S100A8: variants seen among roughly 807,000 people sequenced by gnomAD.
S100A8 encodes protein S100-A8.
Under a neutral mutation model 4.2 loss-of-function variants are expected in S100A8, and 1 was observed. That is an observed-to-expected ratio of 0.24 (90% CI 0.08 to 1.12). S100A8 has a LOEUF of 1.12. S100A8 is among the 50% of genes most tolerant of loss of function. The pLI, the probability that S100A8 is intolerant of heterozygous loss-of-function variation, is 0.53. For synonymous variants in S100A8, 41 were observed against 44.7 expected (o/e 0.92, Z 0.33); for missense variants, 96 against 111.8 (o/e 0.86, Z 0.64).
the S100A8 span, among the ~76,000 whole-genome samples, chr1:153,402,293 G>C: frequency 6.6e-6 from 1 of 152,214 alleles, no homozygotes; most frequent in Non-Finnish European, 1.5e-5. Flanking sequence ...ACAGGAGCAT[G>C]CTGGGGACAC....
At chr1:153,392,469 C>T (rs1046541957), upstream of S100A8, among the ~76,000 whole-genome samples, 2 of 152,224 alleles carry the variant, frequency 1.3e-5, no homozygotes, top group Non-Finnish European at 2.9e-5. Context: ...TATGATCCAT[C>T]ATTCTGCTCC....
chr1:153,395,943 A>C (rs1414823015), upstream of S100A8, among the ~76,000 whole-genome samples: 1 of 152,252 alleles, frequency 6.6e-6, no homozygotes, highest in Non-Finnish European at 1.5e-5. Flanking sequence ...CTTTCAGAGC[A>C]GGGATGCTGT....
chr1:153,417,787 G>A, the S100A8 span, among the ~76,000 whole-genome samples: 50 of 152,266 alleles, frequency 3.3e-4, no homozygotes, highest in Non-Finnish European at 6.3e-4. Flanking sequence ...GCTGGCCTCC[G>A]ACTCTCCCTG....
chr1:153,407,729 A>G, the S100A8 span, among the ~76,000 whole-genome samples: 1 of 152,198 alleles, frequency 6.6e-6, no homozygotes, highest in African/African-American at 2.4e-5. Flanking sequence ...GCAGGGGCCA[A>G]CTGACACCTC....
the S100A8 span, among the ~76,000 whole-genome samples, chr1:153,401,839 C>T: frequency 1.2e-4 from 18 of 152,280 alleles, no homozygotes; most frequent in South Asian, 2.1e-4. Context: ...GTACTTGAGA[C>T]GATGAATCGG....
At chr1:153,415,718 G>A in the S100A8 span, among the ~76,000 whole-genome samples, 3 of 150,376 alleles carry the variant, frequency 2.0e-5, no homozygotes, top group African/African-American at 7.5e-5. Context: ...TGGGGCGGGG[G>A]GGGCGGGGGT....
chr1:153,416,557 A>G, the S100A8 span: 3 of 485,964 alleles, frequency 6.2e-6, no homozygotes, highest in Non-Finnish European at 8.2e-6. Flanking sequence ...GACACTTCCC[A>G]GTTCTGGTAA....
upstream of S100A8, among the ~76,000 whole-genome samples, chr1:153,391,902 G>C (rs986607820): frequency 6.6e-6 from 1 of 152,212 alleles, no homozygotes; most frequent in Non-Finnish European, 1.5e-5. Flanking sequence ...TAGTGGAGGG[G>C]AAGAGTTCTT....
the S100A8 span, among the ~76,000 whole-genome samples, chr1:153,415,169 T>C: frequency 6.6e-6 from 1 of 151,502 alleles, no homozygotes; most frequent in Non-Finnish European, 1.5e-5. Flanking sequence ...TTTGTGTGTG[T>C]GTTTGTGTGT....
At chr1:153,391,766 C>T (rs1444104803), upstream of S100A8, among the ~76,000 whole-genome samples, 1 of 152,098 alleles carries the variant, frequency 6.6e-6, no homozygotes, top group African/African-American at 2.4e-5. Context: ...CTTGGGGTCC[C>T]TCGGCACTTC....
At chr1:153,400,659 A>G in the S100A8 span, among the ~76,000 whole-genome samples, 1 of 152,226 alleles carries the variant, frequency 6.6e-6, no homozygotes, top group Non-Finnish European at 1.5e-5. Flanking sequence ...TGGTTCATCA[A>G]TACACTTTCC....
chr1:153,401,185 ATC>A, the S100A8 span, among the ~76,000 whole-genome samples: 1 of 152,234 alleles, frequency 6.6e-6, no homozygotes, highest in East Asian at 1.9e-4. Flanking sequence ...CATAGCGATC[ATC>A]TGTTTGCATT....
intron 1 of S100A8, chr1:153,390,817 G>T: frequency 1.9e-6 from 1 of 521,192 alleles, no homozygotes; most frequent in Non-Finnish European, 3.1e-6. Context: ...CCCACCCTCT[G>T]CTCAAGAAAA....
upstream of S100A8, among the ~76,000 whole-genome samples, chr1:153,394,627 C>T (rs1034646081): frequency 1.3e-5 from 2 of 152,178 alleles, no homozygotes; most frequent in Non-Finnish European, 2.9e-5. Context: ...GTGCAGACAT[C>T]TCCCAAGGAA....
chr1:153,418,593 G>C, the S100A8 span, among the ~76,000 whole-genome samples: 2 of 152,144 alleles, frequency 1.3e-5, no homozygotes, highest in Non-Finnish European at 2.9e-5. Flanking sequence ...GAAAGCACTA[G>C]AAGTTCCATT....
chr1:153,403,469 C>T, the S100A8 span, among the ~76,000 whole-genome samples: 998 of 152,288 alleles, frequency 6.6e-3, 8 homozygotes, highest in Non-Finnish European at 9.2e-3. Context: ...CTCTGCTCTA[C>T]CTCCTGTCGA....
chr1:153,415,362 A>T, the S100A8 span, among the ~76,000 whole-genome samples: 1 of 152,188 alleles, frequency 6.6e-6, no homozygotes, highest in Non-Finnish European at 1.5e-5. Context: ...CATCAGCTCT[A>T]TGGAGCCCCA....
chr1:153,398,668 AT>A, the S100A8 span, among the ~76,000 whole-genome samples: 3 of 152,326 alleles, frequency 2.0e-5, no homozygotes, highest in African/African-American at 7.2e-5. Flanking sequence ...ACAGATAGGA[AT>A]CAGGACAACT....
At chr1:153,396,381 A>G in the S100A8 span, among the ~76,000 whole-genome samples, 2 of 152,276 alleles carry the variant, frequency 1.3e-5, no homozygotes, top group South Asian at 4.1e-4. Flanking sequence ...GCCCAGAACC[A>G]TATACTGACA....
Sources: allele counts gnomAD v4.1 joint callset (sites outside exome capture counted in the v4.1 genomes callset), GRCh38; gene constraint gnomAD v4.1.1; transcripts MANE v1.5; gene names NCBI Gene and HGNC (gene_info 2026-07-23, HGNC 2026-07-21).